Variants in YIPF6 observed in about 807,000 individuals in gnomAD.
YIPF6 encodes the protein Yip1 domain family member 6.
Under a neutral mutation model 16.8 loss-of-function variants are expected in YIPF6, and 3 were observed. The observed-to-expected ratio is 0.18, with a 90% CI of 0.08 to 0.46. The LOEUF (loss-of-function observed/expected upper bound fraction) is 0.46. Among genes scored for constraint, YIPF6 ranks in the 20% least tolerant of loss-of-function variants. The pLI is 0.98. For missense variants in YIPF6, 145 were observed against 184.9 expected, an observed-to-expected ratio of 0.78 and a Z score of 1.25; for synonymous variants, 67 against 61.9, an observed-to-expected ratio of 1.08 and a Z score of -0.38.
rs930539283 is a variant in YIPF6, at chrX:68,536,796, C to T, written c.*4797C>T. 8.9e-6 allele frequency: 1 copy of T among 111,971 alleles called. No individual in the cohort carries two copies. The highest frequency in any genetic ancestry group is 1.9e-5 in the Non-Finnish European group (1 of 53,235). The allele number at this position is 111,971 out of a possible 1,213,427, so 9.2% of individuals were successfully genotyped here. A position where few individuals can be genotyped will look rare whatever the true frequency, so the allele number is the denominator to read the frequency against. On this transcript the variant is annotated 3_prime_UTR_variant, in exon 7 of 7. Transcript: ENST00000462683. The stretch of plus-strand genomic sequence containing the variant: ...CTCTCCCGCTTCCACCACCACCACA[C>T]ATATATACCCCTTTTTCTCAGTCTT...
At chrX:68,530,466 G>A (rs1410434023) in intron 6 of YIPF6, among the ~76,000 whole-genome samples, 2 of 110,441 alleles carry the variant, frequency 1.8e-5, no homozygotes, top group East Asian at 5.7e-4. Context: ...CCTTTCCAGG[G>A]GAGTGAACAC....
chrX:68,511,925 G>A lies in YIPF6; in HGVS notation c.134G>A (p.Arg45His), dbSNP rs372593298. Residue 45 changes from arginine to histidine, a missense_variant, in exon 2 of 7, where the codon CGC becomes CAC. Transcript: ENST00000462683. The part of the protein sequence containing the change: ...EGEITIPMRS[R>H]IREFDSSTLN... ...GAAATCACCATTCCTATGAGATCTC[G>A]CATCCGGGAGTTTGACAGCTCCACA... The A allele has an allele frequency of 7.6e-5, 92 of 1,207,876 alleles. No individual in the cohort carries two copies. The African/African-American group carries it at 1.1e-3, about 14-fold the overall frequency.
At position 68,532,205 on chromosome X, in the gene YIPF6, A is replaced by C. The variant is rs1455810608; in HGVS notation, c.*206A>C. The C allele has an allele frequency of 8.2e-6, 3 of 367,889 alleles. No individual in the cohort carries two copies. The highest frequency in any genetic ancestry group is 7.3e-4 in the Middle Eastern group (1 of 1,367). 30.3% of individuals were successfully genotyped at this position (367,889 alleles called of 1,213,427 possible). A position where few individuals can be genotyped will look rare whatever the true frequency, so the allele number is the denominator to read the frequency against. ...TTGAAAGGCTGTTCTTTTCTCTCTT[A>C]ATGTCATTTCTTTAAAAATACATGT... On this transcript the variant is annotated 3_prime_UTR_variant, in exon 7 of 7. Coordinates refer to ENST00000462683, the MANE Select transcript of YIPF6 (RefSeq NM_173834.4).
intron 6 of YIPF6, 31 bp from the exon 7 acceptor site, chrX:68,531,850 A>G: frequency 1.0e-6 from 1 of 1,004,515 alleles, no homozygotes; most frequent in Non-Finnish European, 1.4e-6. Context: ...TGTATTAAAC[A>G]TTCCTTTTTG....
In YIPF6 at chrX:68,536,435, A is replaced by G. The variant is rs1032977316; in HGVS notation, c.*4436A>G. The G allele has an allele frequency of 8.9e-6, 1 of 111,829 alleles. No homozygotes were observed. The highest frequency in any genetic ancestry group is 3.3e-5 in the African/African-American group (1 of 30,721). 9.2% of individuals were successfully genotyped at this position (111,829 alleles called of 1,213,427 possible). A position where few individuals can be genotyped will look rare whatever the true frequency, so the allele number is the denominator to read the frequency against. On this transcript the variant is annotated 3_prime_UTR_variant, in exon 7 of 7. Coordinates refer to ENST00000462683, the MANE Select transcript of YIPF6 (RefSeq NM_173834.4). The stretch of plus-strand genomic sequence containing the variant: ...ATTTGATTTACAACAGTAATAACAC[A>G]TTAGATGAGAACACAGTAGGACACA...
rs1160224749 is a variant in YIPF6 at position 68,533,177 on chromosome X, T to C, written c.*1178T>C. 8.9e-6 allele frequency: 1 copy of C among 111,894 alleles called. No homozygotes were observed. The highest frequency in any genetic ancestry group is 1.9e-5 in the Non-Finnish European group (1 of 53,199). 9.2% of individuals were successfully genotyped at this position (111,894 alleles called of 1,213,427 possible). A position where few individuals can be genotyped will look rare whatever the true frequency, so the allele number is the denominator to read the frequency against. ...CAATTTATTTTATTGATTTTAGACT[T>C]TATCAAGCTAATTAGCTCCCCTTTA... On this transcript the variant is annotated 3_prime_UTR_variant, in exon 7 of 7. Transcript: ENST00000462683.
chrX:68,529,741 A>G (rs777814939), intron 6 of YIPF6, among the ~76,000 whole-genome samples: 11 of 111,721 alleles, frequency 9.8e-5, no homozygotes, highest in African/African-American at 3.6e-4. Context: ...CCTCTGCTGC[A>G]GGTCTGCTTA....
intron 1 of YIPF6, among the ~76,000 whole-genome samples, chrX:68,508,385 T>TCAGCCA (rs2079067937): frequency 2.7e-5 from 3 of 112,089 alleles, no homozygotes; most frequent in Admixed American, 1.9e-4. Context: ...ATTACAGGCA[T>TCAGCCA]CAGCCACTGC....
In YIPF6 at chrX:68,531,876, T is replaced by C; in HGVS notation, c.593-5T>C. 8.7e-7 allele frequency: 1 copy of C among 1,155,789 alleles called. No individual in the cohort carries two copies. Among genetic ancestry groups the C allele is most frequent in the South Asian group, 1.9e-5 (1 of 52,739 alleles). On this transcript the variant is annotated splice_polypyrimidine_tract_variant and splice_region_variant and intron_variant, in intron 6 of 6. Coordinates refer to ENST00000462683, the MANE Select transcript of YIPF6 (RefSeq NM_173834.4). ...TTCCTTTTTGTTTTGTCTTGTTTTG[T>C]TTAGCCTCCACAGCTTTCCTTGCTG...
At chrX:68,516,411 A>G (rs969658874) in intron 3 of YIPF6, among the ~76,000 whole-genome samples, 7 of 111,400 alleles carry the variant, frequency 6.3e-5, no homozygotes, top group Non-Finnish European at 1.3e-4. Flanking sequence ...AGATGTCACT[A>G]GGTGATAGGA....
chrX:68,504,844 G>A (rs2079053840), intron 1 of YIPF6, among the ~76,000 whole-genome samples: 1 of 112,252 alleles, frequency 8.9e-6, no homozygotes. Flanking sequence ...ACTGGGATTT[G>A]AACTCAGGCT....
At chrX:68,514,468 G>C (rs922664873) in intron 3 of YIPF6, 6 of 111,492 alleles carry the variant, frequency 5.4e-5, no homozygotes, top group African/African-American at 1.9e-4. Context: ...GAGTGCAATG[G>C]CACAATCTCA....
At chrX:68,519,452 T>G (rs1400186648) in intron 4 of YIPF6, among the ~76,000 whole-genome samples, 1 of 111,955 alleles carries the variant, frequency 8.9e-6, no homozygotes, top group African/African-American at 3.2e-5. Context: ...AACTTTAAAA[T>G]ACTTTCTCTT....
Position 68,511,909 on chromosome X carries a change from A to G in YIPF6, c.118A>G (p.Ile40Val). Residue 40 changes from isoleucine to valine, a missense_variant, in exon 2 of 7, where the codon ATT (isoleucine) becomes GTT (valine). Coordinates refer to ENST00000462683, the MANE Select transcript of YIPF6 (RefSeq NM_173834.4). ...CATCCCCGTAGAAGGAGAAATCACC[A>G]TTCCTATGAGATCTCGCATCCGGGA... ...QDIPVEGEITIPMRSRIREFD... is the reference protein window; with the variant it reads ...QDIPVEGEITVPMRSRIREFD... 1 of 1,210,614 alleles carries G rather than the reference A, an allele frequency of 8.3e-7. No individual in the cohort carries two copies.
At chrX:68,509,201 C>A (rs2079071066) in intron 1 of YIPF6, among the ~76,000 whole-genome samples, 1 of 109,601 alleles carries the variant, frequency 9.1e-6, no homozygotes, top group Non-Finnish European at 1.9e-5. Flanking sequence ...CCTTGACCTC[C>A]TGGGCTCAAG....
chrX:68,523,937 G>A (rs887415184), intron 6 of YIPF6, among the ~76,000 whole-genome samples: 4 of 112,001 alleles, frequency 3.6e-5, no homozygotes, highest in African/African-American at 9.7e-5. Flanking sequence ...AGGTGATCAC[G>A]AAGTAGAATC....
At position 68,511,978 on chromosome X, in the gene YIPF6, G is replaced by A; in HGVS notation, c.186+1G>A. The A allele has an allele frequency of 8.3e-7, 1 of 1,204,619 alleles. No individual in the cohort carries two copies. On this transcript the variant is annotated splice_donor_variant, in intron 2 of 6. Coordinates refer to ENST00000462683, the MANE Select transcript of YIPF6 (RefSeq NM_173834.4). LOFTEE classifies it high-confidence loss of function. ...AAATGAATCTGTTCGCAATACCATC[G>A]TAAGTTAGACTAGTTGAGAGAACTT...
intron 6 of YIPF6, among the ~76,000 whole-genome samples, chrX:68,524,854 G>A (rs892067438): frequency 1.8e-4 from 20 of 111,501 alleles, no homozygotes; most frequent in Non-Finnish European, 3.6e-4. Context: ...AACCTTTTAC[G>A]TGGCTGCATA....
Position 68,499,098 on chromosome X carries a change from C to A in YIPF6, c.32C>A (p.Pro11Gln). The part of the protein sequence containing the change: MAEAEESPGD[P>Q]GTASPRPLFA... ...GAAGCGGAGGAGTCTCCAGGAGACC[C>A]GGGGACAGCATCGCCCAGGCCCCTG... Residue 11 changes from proline (P) to glutamine (Q), a missense_variant, in exon 1 of 7, where the codon CCG (proline) becomes CAG (glutamine). Transcript: ENST00000462683. 1 of 1,188,257 alleles carries A rather than the reference C, an allele frequency of 8.4e-7. No individual in the cohort carries two copies.
Sources: allele counts gnomAD v4.1 joint callset (sites outside exome capture counted in the v4.1 genomes callset), GRCh38; gene constraint gnomAD v4.1.1; transcripts MANE v1.5; gene names NCBI Gene and HGNC (gene_info 2026-07-23, HGNC 2026-07-21).